The following XRN1 variants were observed in gnomAD, a reference collection of about 807,000 sequenced individuals.
XRN1 encodes the protein 5'-3' exoribonuclease 1, also known as strand-exchange protein 1 homolog.
XRN1 carries 67 observed loss-of-function variants against 222.3 expected under a neutral mutation model. The observed-to-expected ratio is 0.30, with a 90% confidence interval of 0.25 to 0.37. The LOEUF (loss-of-function observed/expected upper bound fraction) is 0.37. XRN1 is among the 10% of genes least tolerant of loss of function. XRN1 has a pLI of 1.00. For synonymous variants in XRN1, 643 were observed against 652.4 expected, an observed-to-expected ratio of 0.99 and a Z score of 0.22; for missense variants, 1,707 against 2,000.2, an observed-to-expected ratio of 0.85 and a Z score of 2.80.
At chr3:142,406,667 C>T (rs2068351941) in intron 15 of XRN1, among the ~76,000 whole-genome samples, 3 of 151,980 alleles carry the variant, frequency 2.0e-5, no homozygotes, top group Admixed American at 6.6e-5. Flanking sequence ...GCTGGGAATA[C>T]AGGTATACAC....
rs185918127 is a variant in XRN1, at chr3:142,332,618, T to C, written c.4063-84A>G. On this transcript the variant is annotated intron_variant, in intron 35 of 40. Coordinates refer to ENST00000392981, the MANE Select transcript of XRN1 (RefSeq NM_001282857.2). ...CATCTGTAGAACTTATTGATCTTTC[T>C]TGGAAAGAATTCCATTGTTAACAAT... 116 of 1,262,514 alleles carry C rather than the reference T, an allele frequency of 9.2e-5. No individual in the cohort carries two copies. The East Asian group carries it at 2.8e-3, about 30-fold the overall frequency. 78.2% of individuals were successfully genotyped at this position (1,262,514 alleles called of 1,614,324 possible). A position where few individuals can be genotyped will look rare whatever the true frequency, so the allele number is the denominator to read the frequency against.
intron 10 of XRN1, 37 bp downstream of exon 10, chr3:142,420,979 G>C: frequency 6.2e-7 from 1 of 1,610,930 alleles, no homozygotes; most frequent in South Asian, 1.1e-5. Context: ...TGCCTTTACA[G>C]TTAAAACAAT....
chr3:142,322,787 G>A (rs1033414191), intron 37 of XRN1, among the ~76,000 whole-genome samples: 5 of 152,070 alleles, frequency 3.3e-5, no homozygotes, highest in African/African-American at 9.7e-5. Flanking sequence ...GGTGGATCAC[G>A]AGGTAAGGAG....
intron 1 of XRN1, chr3:142,435,276 T>C (rs1158895947): frequency 6.6e-6 from 1 of 152,006 alleles, no homozygotes; most frequent in Admixed American, 6.6e-5. Flanking sequence ...CAGGTGCCTA[T>C]AGTCTCAGCT....
intron 2 of XRN1, among the ~76,000 whole-genome samples, chr3:142,432,158 TA>T: frequency 8.2e-6 from 1 of 122,442 alleles, no homozygotes; most frequent in African/African-American, 3.3e-5. Flanking sequence ...ATATATAATT[TA>T]TATATAAATA....
At chr3:142,414,429 G>T in intron 13 of XRN1, 138 bp from the exon 14 acceptor site, 1 of 593,226 alleles carries the variant, frequency 1.7e-6, no homozygotes, top group Non-Finnish European at 2.5e-6. Flanking sequence ...TCTACTATCT[G>T]AATATAAGAA....
chr3:142,332,949 T>G lies in XRN1; in HGVS notation c.4062+18A>C, dbSNP rs748784533. 6.2e-7 allele frequency: 1 copy of G among 1,611,388 alleles called. No individual in the cohort carries two copies. The stretch of plus-strand genomic sequence containing the variant: ...TCGAGAAATTACCACAGTAAGAAAG[T>G]TCCTACAAAATACGAACCATGGCAA... On this transcript the variant is annotated intron_variant, in intron 35 of 40. Coordinates refer to ENST00000392981, the MANE Select transcript of XRN1 (RefSeq NM_001282857.2).
intron 20 of XRN1, among the ~76,000 whole-genome samples, chr3:142,387,942 T>C (rs1472756714): frequency 6.6e-6 from 1 of 152,214 alleles, no homozygotes; most frequent in Non-Finnish European, 1.5e-5. Context: ...CCTCTTTGTC[T>C]TCTGCTATGA....
In XRN1 at chr3:142,442,687, G is replaced by T. The variant is rs2108212297; in HGVS notation, c.75+5183C>A. Among the ~76,000 whole-genome samples, 4 of 152,270 alleles carry T rather than the reference G, an allele frequency of 2.6e-5. No individual in the cohort carries two copies. In the Middle Eastern group the frequency reaches 0.014, roughly 521 times the overall value. On this transcript the variant is annotated intron_variant, in intron 1 of 40. Transcript: ENST00000392981. ...GTTAGGGCCTGTAAAGTGTGCCAAA[G>T]AAATAATCTGCACTGCAGGCCATAC...
chr3:142,371,471 G>T, intron 25 of XRN1, 143 bp from the exon 26 acceptor site: 1 of 648,602 alleles, frequency 1.5e-6, no homozygotes, highest in Non-Finnish European at 2.5e-6. Flanking sequence ...ATTATTAAAA[G>T]TGATAGAAAG....
Position 142,365,146 on chromosome 3 carries a change from G to C in XRN1, c.3295C>G (p.Arg1099Gly). The C allele has an allele frequency of 6.2e-7, 1 of 1,613,022 alleles. No individual in the cohort carries two copies. Among genetic ancestry groups the C allele is most frequent in the African/African-American group, 1.3e-5 (1 of 74,952 alleles). Reference sequence around the variant, plus strand: ...TCAAAAAGACAAAATTCTGCATCCCGATCAGGAATGACTCCATGTTGCTGT... The same window carrying C: ...TCAAAAAGACAAAATTCTGCATCCCCATCAGGAATGACTCCATGTTGCTGT... ...LEQQHGVIPD[R>G]DAEFCLFDRV... The change falls in exon 29 of 41, where the codon CGG becomes GGG. Residue 1099 changes from arginine to glycine, a missense_variant. Physicochemically the swap from Arg to Gly is moderately radical, Grantham distance 125 (BLOSUM62 -2). This residue lies in a region of XRN1 where 1,234 missense variants were observed against 1,518.2 expected (regional missense o/e 0.81). Coordinates refer to ENST00000392981, the MANE Select transcript of XRN1 (RefSeq NM_001282857.2).
At chr3:142,405,316 CA>C (rs1389944793) in intron 15 of XRN1, among the ~76,000 whole-genome samples, 3 of 152,154 alleles carry the variant, frequency 2.0e-5, no homozygotes, top group African/African-American at 4.8e-5. Context: ...ATTACCCCAA[CA>C]GTTGCCACTA....
At chr3:142,375,974 G>GCAAACACACACACACA in intron 24 of XRN1, 30 bp from the exon 25 acceptor site, 1 of 1,447,368 alleles carries the variant, frequency 6.9e-7, no homozygotes, top group Non-Finnish European at 9.2e-7. Context: ...GCGCACACGT[G>GCAAACACACACACACA]CACACACACA....
At chr3:142,316,383 C>T (rs2065212995) in intron 39 of XRN1, among the ~76,000 whole-genome samples, 1 of 151,638 alleles carries the variant, frequency 6.6e-6, no homozygotes, top group South Asian at 2.1e-4. Flanking sequence ...TGTCTGGCTA[C>T]CTTTGTATTT....
chr3:142,380,286 G>A (rs2067264977), intron 22 of XRN1, 106 bp from the exon 23 acceptor site: 13 of 915,704 alleles, frequency 1.4e-5, no homozygotes, highest in Non-Finnish European at 2.0e-5. Flanking sequence ...GTTGGATAGT[G>A]GAAATTCTCT....
chr3:142,412,412 C>A (rs2108066716), intron 15 of XRN1, 132 bp downstream of exon 15: 3 of 1,267,508 alleles, frequency 2.4e-6, no homozygotes, highest in Non-Finnish European at 3.0e-6. Context: ...TTTTTATGCA[C>A]ATAATGAAGA....
At position 142,421,494 on chromosome 3, in the gene XRN1, G is replaced by A. The variant is rs780919718; in HGVS notation, c.1017C>T (p.Tyr339=). 2 of 1,608,274 alleles carry A rather than the reference G, an allele frequency of 1.2e-6. No homozygotes were observed. The highest frequency in any genetic ancestry group is 1.7e-6 in the Non-Finnish European group (2 of 1,177,398). ...GHLNLPRFEK[Y]LVKLSDFDRE... is the part of the protein sequence containing the mutation. ...TACTTACATCTGATAGTTTCACAAG[G>A]TATTTCTCAAATCGAGGTAAGTTGA... Residue 339 remains tyrosine (Y), a synonymous_variant, in exon 9 of 41, where the codon TAC becomes TAT. Coordinates refer to ENST00000392981, the MANE Select transcript of XRN1 (RefSeq NM_001282857.2).
intron 10 of XRN1, 114 bp from the exon 11 acceptor site, chr3:142,418,995 CT>C (rs1270406505): frequency 2.2e-6 from 2 of 915,404 alleles, no homozygotes; most frequent in African/African-American, 1.6e-5. Context: ...TTATAACATC[CT>C]TCATATCCTG....
At chr3:142,313,266 G>T in intron 39 of XRN1, 1 of 1,409,230 alleles carries the variant, frequency 7.1e-7, no homozygotes. Context: ...AATATTTGAA[G>T]TCAAGGCCTT....
Sources: allele counts gnomAD v4.1 joint callset (sites outside exome capture counted in the v4.1 genomes callset), GRCh38; gene constraint gnomAD v4.1.1; regional missense constraint gnomAD v4.1.1; transcripts MANE v1.5; gene names NCBI Gene and HGNC (gene_info 2026-07-23, HGNC 2026-07-21).